Variants in HDLBP observed in about 807,000 individuals in gnomAD.
HDLBP encodes vigilin.
A neutral mutation model predicts 137.3 loss-of-function variants in HDLBP; 30 were observed. The ratio of observed to expected loss-of-function variants is 0.22; its 90% CI spans 0.16 to 0.30. The LOEUF is 0.30. HDLBP is among the 10% of genes least tolerant of loss of function. HDLBP has a pLI of 1.00. For synonymous variants in HDLBP, 606 were observed against 596.0 expected (o/e 1.02, Z -0.24); for missense variants, 1,119 against 1,667.3 (o/e 0.67, Z 5.73).
intron 2 of HDLBP, 84 bp downstream of exon 2, chr2:241,268,393 A>G: frequency 8.1e-6 from 7 of 866,180 alleles, no homozygotes; most frequent in Non-Finnish European, 9.7e-6. Flanking sequence ...AGGTACACAC[A>G]GGACTAAGAA....
At chr2:241,257,287 C>T (rs980379523) in intron 5 of HDLBP, among the ~76,000 whole-genome samples, 7 of 152,202 alleles carry the variant, frequency 4.6e-5, no homozygotes, top group African/African-American at 1.7e-4. Context: ...GGCTGGAGTG[C>T]AGTGGTGCCA....
intron 14 of HDLBP, 25 bp downstream of exon 14, chr2:241,247,978 A>G (rs1352382601): frequency 6.5e-7 from 1 of 1,539,440 alleles, no homozygotes; most frequent in Admixed American, 1.7e-5. Flanking sequence ...GCTGTCATAC[A>G]AGAAAGGATG....
At chr2:241,305,928 T>G (rs919532154) in intron 1 of HDLBP, among the ~76,000 whole-genome samples, 8 of 151,802 alleles carry the variant, frequency 5.3e-5, no homozygotes, top group Non-Finnish European at 1.0e-4. Context: ...GCTCAACTAA[T>G]TTTTTGTATT....
Position 241,241,724 on chromosome 2 carries a change from C to T in HDLBP, c.2169+736G>A, listed in dbSNP as rs1488768306. ...ACAACTGGAAATGGAAAAAAAGTGC[C>T]ATTTACAATAGCACTAAAAGAGTAA... On this transcript the variant is annotated intron_variant, in intron 17 of 27. Transcript: ENST00000310931. Among the ~76,000 whole-genome samples, 3 of 151,840 alleles carry T rather than the reference C, an allele frequency of 2.0e-5. No individual in the cohort carries two copies. In the South Asian group the frequency reaches 6.3e-4, roughly 32 times the overall value.
At chr2:241,234,577 G>A (rs1052217768) in intron 23 of HDLBP, among the ~76,000 whole-genome samples, 4 of 152,208 alleles carry the variant, frequency 2.6e-5, no homozygotes, top group African/African-American at 9.6e-5. Flanking sequence ...CCAAGTTCCA[G>A]AACCCCTGCT....
intron 1 of HDLBP, 93 bp from the exon 2 acceptor site, chr2:241,268,634 A>G (rs756613490): frequency 2.1e-4 from 71 of 344,242 alleles, no homozygotes; most frequent in Non-Finnish European, 2.8e-4. Flanking sequence ...TTACCTCAAA[A>G]TCAGAAAAGG....
intron 1 of HDLBP, among the ~76,000 whole-genome samples, chr2:241,302,088 C>CAA (rs35141608): frequency 1.6e-4 from 19 of 118,828 alleles, no homozygotes; most frequent in African/African-American, 3.9e-4. Flanking sequence ...CCCATCTCTA[C>CAA]AAAAAAAAAA....
chr2:241,291,606 C>T (rs2075015551), intron 1 of HDLBP, among the ~76,000 whole-genome samples: 1 of 152,136 alleles, frequency 6.6e-6, no homozygotes, highest in South Asian at 2.1e-4. Flanking sequence ...ATTTCAGAAC[C>T]TCCAAAATTG....
chr2:241,260,660 G>A (rs2073085113), intron 5 of HDLBP, among the ~76,000 whole-genome samples: 1 of 152,136 alleles, frequency 6.6e-6, no homozygotes, highest in South Asian at 2.1e-4. Context: ...AGCACTGATA[G>A]GGAACTTTAC....
Position 241,238,664 on chromosome 2 carries a change from T to C in HDLBP, c.2734A>G (p.Arg912Gly). 6.3e-7 allele frequency: 1 copy of C among 1,574,888 alleles called. No homozygotes were observed. Among genetic ancestry groups the C allele is most frequent in the Non-Finnish European group, 8.7e-7 (1 of 1,152,696 alleles). Reference protein sequence around the residue: ...DFSVQIKFPDREENAVHSTEP... With the variant: ...DFSVQIKFPDGEENAVHSTEP... ...GGGGACCCACCTGCGTTCTCCTCTC[T>C]GTCTGGGAATTTAATTTGAACACTG... The change falls in exon 20 of 28, where the codon AGA becomes GGA. Residue 912 changes from arginine to glycine, a missense_variant. By Grantham distance (125) the Arg-to-Gly change is moderately radical. This residue lies in a region of HDLBP where 618 missense variants were observed against 816.7 expected (regional missense o/e 0.76). Coordinates refer to ENST00000310931, the MANE Select transcript of HDLBP (RefSeq NM_005336.6). This position sits in a 1 kb window ranked among gnomAD's most constrained non-coding sequence, Gnocchi z 4.9.
rs1412737570 is a variant in HDLBP at position 241,239,560 on chromosome 2, A to C, written c.2610+42T>G. On this transcript the variant is annotated intron_variant, in intron 19 of 27. Transcript: ENST00000310931. This position sits in a 1 kb window ranked among gnomAD's most constrained non-coding sequence, Gnocchi z 4.6. ...TCATACACGGCTTCGGTGAGTGGCC[A>C]CTGGGGGGTGAGAACCCCTCCCCGA... The C allele has an allele frequency of 6.5e-7, 1 of 1,528,698 alleles. No individual in the cohort carries two copies. The allele number at this position is 1,528,698 out of a possible 1,614,324, so 94.7% of individuals were successfully genotyped here.
intron 1 of HDLBP, among the ~76,000 whole-genome samples, chr2:241,287,112 TTTG>T (rs749368773): frequency 3.3e-5 from 5 of 152,044 alleles, no homozygotes; most frequent in Admixed American, 6.5e-5. Context: ...GAAGAGGCAG[TTTG>T]TTGTTGTTGT....
chr2:241,299,248 C>T lies in HDLBP; in HGVS notation c.-103+16322G>A, dbSNP rs186020913. 5.6e-3 allele frequency among the ~76,000 whole-genome samples: 847 copies of T among 152,160 alleles called. 4 individuals are homozygous for T. The highest frequency in any genetic ancestry group is 0.024 in the Middle Eastern group (7 of 292). On this transcript the variant is annotated intron_variant, in intron 1 of 27. Transcript: ENST00000310931. ...AAACTAAACACCCTAAGGCCGGGCG[C>T]GGTGGCTCACGCCTGTAATCCCAGC...
chr2:241,235,944 G>A (rs574469368), intron 21 of HDLBP, among the ~76,000 whole-genome samples: 15 of 151,782 alleles, frequency 9.9e-5, no homozygotes, highest in East Asian at 9.7e-4. Context: ...AGGGACTCTC[G>A]GACCACTACT....
At chr2:241,281,506 G>T (rs1003913073) in intron 1 of HDLBP, among the ~76,000 whole-genome samples, 1 of 152,172 alleles carries the variant, frequency 6.6e-6, no homozygotes, top group Non-Finnish European at 1.5e-5. Flanking sequence ...GGCTGACCAA[G>T]TGAGACCCTG....
intron 1 of HDLBP, among the ~76,000 whole-genome samples, chr2:241,313,103 G>A (rs1413851059): frequency 2.0e-5 from 3 of 152,142 alleles, no homozygotes; most frequent in Non-Finnish European, 4.4e-5. Context: ...CGCAGTTCAA[G>A]GACCACATTC....
At position 241,230,884 on chromosome 2, in the gene HDLBP, T is replaced by C. The variant is rs1425884109; in HGVS notation, c.3349A>G (p.Ile1117Val). ...EKNTEAARDA[I>V]LRIVGELEQM... Reference sequence around the variant, plus strand: ...TCAAGTTCACCCACAATTCTCAGTATAGCATCCCTGGCAGCTTCTGTGTTC... The same window carrying C: ...TCAAGTTCACCCACAATTCTCAGTACAGCATCCCTGGCAGCTTCTGTGTTC... Residue 1117 changes from isoleucine (I) to valine (V), a missense_variant, in exon 25 of 28, where the codon ATA becomes GTA. Transcript: ENST00000310931. This position sits in a 1 kb window ranked among gnomAD's most constrained non-coding sequence, Gnocchi z 5.0. The C allele has an allele frequency of 1.9e-6, 3 of 1,614,078 alleles. No homozygotes were observed. The highest frequency in any genetic ancestry group is 2.5e-6 in the Non-Finnish European group (3 of 1,179,998).
intron 12 of HDLBP, among the ~76,000 whole-genome samples, chr2:241,248,766 G>T (rs2071878573): frequency 6.6e-6 from 1 of 152,048 alleles, no homozygotes; most frequent in South Asian, 2.1e-4. Context: ...GATCCCTTCT[G>T]AACAGAGGGT....
At chr2:241,281,829 T>C (rs2074620543) in intron 1 of HDLBP, among the ~76,000 whole-genome samples, 1 of 152,220 alleles carries the variant, frequency 6.6e-6, no homozygotes, top group Non-Finnish European at 1.5e-5. Flanking sequence ...ACTTCACTTG[T>C]TTATTTTTAT....
Sources: gnomAD v4.1 joint callset for allele counts (sites outside exome capture counted in the v4.1 genomes callset) on GRCh38, gnomAD v4.1.1 for gene constraint, gnomAD v4.1.1 regional missense constraint, Gnocchi (gnomAD v3.1) non-coding constraint, MANE v1.5 for transcripts, NCBI Gene and HGNC (gene_info 2026-07-23, HGNC 2026-07-21) for gene names.